Variants in CHRD observed in about 807,000 individuals in gnomAD.
CHRD encodes the protein chordin.
A neutral mutation model predicts 113.7 loss-of-function variants in CHRD; 69 were observed. The observed-to-expected ratio is 0.61, with a 90% CI of 0.50 to 0.74. The LOEUF (loss-of-function observed/expected upper bound fraction) is 0.74, where lower values mean the gene tolerates loss of function less well. CHRD is among the 30% of genes least tolerant of loss of function. The pLI, the probability that CHRD is intolerant of heterozygous loss-of-function variation, is 0.00. For synonymous variants in CHRD, 561 were observed against 540.8 expected (o/e 1.04, Z -0.52); for missense variants, 1,194 against 1,295.8 (o/e 0.92, Z 1.21).
Position 184,380,307 on chromosome 3 carries a change from C to A in CHRD, c.-12C>A, listed in dbSNP as rs1334378101. 3 of 1,262,416 alleles carry A rather than the reference C, an allele frequency of 2.4e-6. No individual in the cohort carries two copies. The highest frequency in any genetic ancestry group is 4.7e-5 in the East Asian group (1 of 21,284). The allele number at this position is 1,262,416 out of a possible 1,614,324, so 78.2% of individuals were successfully genotyped here. On this transcript the variant is annotated 5_prime_UTR_variant, in exon 1 of 23. Coordinates refer to ENST00000204604, the Ensembl canonical transcript of CHRD. The surrounding 1 kb of genome is among the most constrained non-coding windows in gnomAD (Gnocchi z 6.3). ...TCCTCCCTCCCTCCTCCCCAGCTGT[C>A]CCGTTCGCGTCATGCCGAGCCTCCC...
exon 23 of CHRD, chr3:184,389,730 C>T (rs1335293682): frequency 3.0e-6 from 1 of 336,868 alleles, no homozygotes; most frequent in East Asian, 5.2e-5. Context: ...TATCTTCACT[C>T]AGCACCAAGG....
In CHRD at chr3:184,381,853, G is replaced by A; in HGVS notation, c.611+38G>A. 2.5e-6 allele frequency: 4 copies of A among 1,609,698 alleles called. No individual in the cohort carries two copies. The highest frequency in any genetic ancestry group is 3.4e-6 in the Non-Finnish European group (4 of 1,177,492). On this transcript the variant is annotated intron_variant, in intron 5 of 22. Transcript: ENST00000204604. This position sits in a 1 kb window ranked among gnomAD's most constrained non-coding sequence, Gnocchi z 4.7. ...AAGGAGCAAGGAGGGGTCAGCTGCC[G>A]GGGCCCGGGAGGGAAACTGGGAGAG...
Position 184,381,417 on chromosome 3 carries a change from C to T in CHRD, c.382+53C>T. ...GGAGGCAGGGCCACGATACTAGGTC[C>T]CGGGCCACTTGGATGGGGCGTCGGA... On this transcript the variant is annotated intron_variant, in intron 3 of 22. Transcript: ENST00000204604. This position sits in a 1 kb window ranked among gnomAD's most constrained non-coding sequence, Gnocchi z 4.7. 3 of 1,599,526 alleles carry T rather than the reference C, an allele frequency of 1.9e-6. No homozygotes were observed. The highest frequency in any genetic ancestry group is 2.6e-6 in the Non-Finnish European group (3 of 1,173,178).
rs903914514 is a variant in CHRD at position 184,387,592 on chromosome 3, G to A, written c.2451+115G>A. 2.0e-6 allele frequency: 2 copies of A among 1,006,322 alleles called. No individual in the cohort carries two copies. The highest frequency in any genetic ancestry group is 2.9e-5 in the Admixed American group (1 of 34,552). 62.3% of individuals were successfully genotyped at this position (1,006,322 alleles called of 1,614,324 possible). A position where few individuals can be genotyped will look rare whatever the true frequency, so the allele number is the denominator to read the frequency against. On this transcript the variant is annotated intron_variant, in intron 19 of 22. Transcript: ENST00000204604. The surrounding 1 kb of genome is among the most constrained non-coding windows in gnomAD (Gnocchi z 6.1). The stretch of plus-strand genomic sequence containing the variant: ...GTGAGGAGGGCTCAAGAATCAAAAC[G>A]ATATGAGAAAAGGCCCTTGCGCTCT...
Position 184,380,575 on chromosome 3 carries a change from G to A in CHRD, c.148+109G>A, listed in dbSNP as rs1715157443. On this transcript the variant is annotated intron_variant, in intron 1 of 22. Coordinates refer to ENST00000204604, the Ensembl canonical transcript of CHRD. The surrounding 1 kb of genome is among the most constrained non-coding windows in gnomAD (Gnocchi z 6.3). ...GGTGGCTCGGCGCGGCGGGCGGCCC[G>A]GAGGGTGGGCGGGGGCAGAAGGGCG... 4 of 1,041,052 alleles carry A rather than the reference G, an allele frequency of 3.8e-6. No individual in the cohort carries two copies. The East Asian group carries it at 1.7e-4, about 43-fold the overall frequency. The allele number at this position is 1,041,052 out of a possible 1,614,324, so 64.5% of individuals were successfully genotyped here.
At position 184,386,701 on chromosome 3, in the gene CHRD, C is replaced by T. The variant is rs775155377; in HGVS notation, c.2142C>T (p.His714=). The T allele has an allele frequency of 1.2e-5, 19 of 1,612,336 alleles. No individual in the cohort carries two copies. In the African/African-American group the frequency reaches 1.3e-4, roughly 11 times the overall value. ...TCTTCGAGGGGCAGCAGCGCCCCCA[C>T]GGGGCTCGCTGGGCGCCCAACTACG... Residue 714 remains histidine, a synonymous_variant, in exon 16 of 23, where the codon CAC becomes CAT. Coordinates refer to ENST00000204604, the Ensembl canonical transcript of CHRD.
exon 10 of CHRD, chr3:184,383,054 C>G: frequency 1.9e-6 from 3 of 1,612,208 alleles, no homozygotes; most frequent in Non-Finnish European, 2.5e-6. Context: ...ACCTGACAGT[C>G]CAGGAGATGG....
chr3:184,380,534 G>A lies in CHRD; in HGVS notation c.148+68G>A. 9.3e-7 allele frequency: 1 copy of A among 1,074,660 alleles called. No homozygotes were observed. The highest frequency in any genetic ancestry group is 4.6e-5 in the East Asian group (1 of 21,778). 66.6% of individuals were successfully genotyped at this position (1,074,660 alleles called of 1,614,324 possible). ...CGGGGCGAGTCAGCGCCAGCCCGGA[G>A]GGGGCGCGGGGCGCAGGTGGCTCGG... On this transcript the variant is annotated intron_variant, in intron 1 of 22. Transcript: ENST00000204604. This position sits in a 1 kb window ranked among gnomAD's most constrained non-coding sequence, Gnocchi z 6.3.
At position 184,386,065 on chromosome 3, in the gene CHRD, A is replaced by C. The variant is rs745863714; in HGVS notation, c.1838A>C (p.Asp613Ala). The C allele has an allele frequency of 6.8e-6, 11 of 1,614,190 alleles. No individual in the cohort carries two copies. The highest frequency in any genetic ancestry group is 9.3e-6 in the Non-Finnish European group (11 of 1,180,036). ...GTGCAGGCCCAGGGTGTGGTGAAGG[A>C]CCTGGAGCCGGAACTGCTGCGGCAC... Residue 613 changes from aspartate (D) to alanine (A), a missense_variant, in exon 15 of 23, where the codon GAC becomes GCC. Asp to Ala is a moderately radical substitution (Grantham distance 126). Coordinates refer to ENST00000204604, the Ensembl canonical transcript of CHRD.
chr3:184,387,820 T>C lies in CHRD; in HGVS notation c.2452-111T>C. On this transcript the variant is annotated intron_variant, in intron 19 of 22. Coordinates refer to ENST00000204604, the Ensembl canonical transcript of CHRD. This position sits in a 1 kb window ranked among gnomAD's most constrained non-coding sequence, Gnocchi z 6.1. ...GGTCTATAAAGCCAGTCCGGGCCTC[T>C]GAGTAAAAGGCCACAGAGAGACTGC... is the stretch of plus-strand genomic sequence containing the variant. 1 of 1,006,332 alleles carries C rather than the reference T, an allele frequency of 9.9e-7. No homozygotes were observed. The highest frequency in any genetic ancestry group is 2.6e-5 in the East Asian group (1 of 38,254). 62.3% of individuals were successfully genotyped at this position (1,006,332 alleles called of 1,614,324 possible). A position where few individuals can be genotyped will look rare whatever the true frequency, so the allele number is the denominator to read the frequency against.
chr3:184,387,170 G>C lies in CHRD; in HGVS notation c.2347+63G>C, dbSNP rs573678861. 6.6e-7 allele frequency: 1 copy of C among 1,507,880 alleles called. No homozygotes were observed. The highest frequency in any genetic ancestry group is 2.3e-5 in the East Asian group (1 of 44,364). 93.4% of individuals were successfully genotyped at this position (1,507,880 alleles called of 1,614,324 possible). A position where few individuals can be genotyped will look rare whatever the true frequency, so the allele number is the denominator to read the frequency against. ...GAGGAGCCATTAGGTTGAACCAGGA[G>C]GGGGACAAGAAGGGGAGAGTATATA... On this transcript the variant is annotated intron_variant, in intron 18 of 22. Transcript: ENST00000204604. The surrounding 1 kb of genome is among the most constrained non-coding windows in gnomAD (Gnocchi z 6.1).
chr3:184,384,763 G>A lies in CHRD; in HGVS notation c.1597+70G>A, dbSNP rs756869593. On this transcript the variant is annotated intron_variant, in intron 13 of 22. Transcript: ENST00000204604. This position sits in a 1 kb window ranked among gnomAD's most constrained non-coding sequence, Gnocchi z 4.4. Reference sequence around the variant, plus strand: ...ATTTGAGGGATGGTGGCAGACAGCCGGAGCCTGGTGTGTCTTTCTTTGTGC... The same window carrying A: ...ATTTGAGGGATGGTGGCAGACAGCCAGAGCCTGGTGTGTCTTTCTTTGTGC... 1.4e-5 allele frequency: 21 copies of A among 1,484,492 alleles called. No individual in the cohort carries two copies. Among genetic ancestry groups the A allele is most frequent in the African/African-American group, 4.2e-5 (3 of 71,190 alleles). The allele number at this position is 1,484,492 out of a possible 1,614,324, so 92.0% of individuals were successfully genotyped here.
chr3:184,380,350 T>C lies in CHRD; in HGVS notation c.32T>C (p.Leu11Pro). 1 of 1,332,158 alleles carries C rather than the reference T, an allele frequency of 7.5e-7. No individual in the cohort carries two copies. The highest frequency in any genetic ancestry group is 9.7e-7 in the Non-Finnish European group (1 of 1,028,934). The allele number at this position is 1,332,158 out of a possible 1,614,324, so 82.5% of individuals were successfully genotyped here. The change falls in exon 1 of 23, where the codon CTG (leucine) becomes CCG (proline). Residue 11 changes from leucine to proline, a missense_variant. By Grantham distance (98) the Leu-to-Pro change is moderately conservative. Transcript: ENST00000204604. This position sits in a 1 kb window ranked among gnomAD's most constrained non-coding sequence, Gnocchi z 6.3. Reference sequence around the variant, plus strand: ...AGCCTCCCGGCCCCGCCGGCCCCGCTGCTGCTCCTCGGGCTGCTGCTGCTC... The same window carrying C: ...AGCCTCCCGGCCCCGCCGGCCCCGCCGCTGCTCCTCGGGCTGCTGCTGCTC...
chr3:184,381,256 A>AG lies in CHRD; in HGVS notation c.278dup (p.Gly95TrpfsTer59). The AG allele has an allele frequency of 6.2e-7, 1 of 1,613,248 alleles. No individual in the cohort carries two copies. The highest frequency in any genetic ancestry group is 8.5e-7 in the Non-Finnish European group (1 of 1,179,926). On this transcript the variant is annotated frameshift_variant, in exon 3 of 23. Coordinates refer to ENST00000204604, the Ensembl canonical transcript of CHRD. LOFTEE classifies it high-confidence loss of function. The surrounding 1 kb of genome is among the most constrained non-coding windows in gnomAD (Gnocchi z 4.7). ...GCAGCCTCAGTGGGGTCGCCGTACCAGGGGCCCTGGCAGGGTCAGCTGCAA... is the reference window on the plus strand; with the variant it reads ...GCAGCCTCAGTGGGGTCGCCGTACCAGGGGGCCCTGGCAGGGTCAGCTGCAA...
chr3:184,380,318 C>A lies in CHRD; in HGVS notation c.-1C>A. 2 of 1,305,272 alleles carry A rather than the reference C, an allele frequency of 1.5e-6. No individual in the cohort carries two copies. The highest frequency in any genetic ancestry group is 3.1e-5 in the South Asian group (2 of 64,712). 80.9% of individuals were successfully genotyped at this position (1,305,272 alleles called of 1,614,324 possible). A position where few individuals can be genotyped will look rare whatever the true frequency, so the allele number is the denominator to read the frequency against. On this transcript the variant is annotated 5_prime_UTR_variant, in exon 1 of 23. Coordinates refer to ENST00000204604, the Ensembl canonical transcript of CHRD. The surrounding 1 kb of genome is among the most constrained non-coding windows in gnomAD (Gnocchi z 6.3). ...TCCTCCCCAGCTGTCCCGTTCGCGT[C>A]ATGCCGAGCCTCCCGGCCCCGCCGG...
rs1298013736 is a variant in CHRD at position 184,381,047 on chromosome 3, TAG to T, written c.253-183_253-182del. The T allele has an allele frequency of 3.9e-6, 3 of 765,224 alleles. No individual in the cohort carries two copies. Among genetic ancestry groups the T allele is most frequent in the South Asian group, 1.5e-5 (1 of 68,298 alleles). The allele number at this position is 765,224 out of a possible 1,614,324, so 47.4% of individuals were successfully genotyped here. A position where few individuals can be genotyped will look rare whatever the true frequency, so the allele number is the denominator to read the frequency against. ...TAACTCTCATGGCAGCCTTGCTAGA[TAG>T]AGAGTATTATTATCCCCATTTTCCA... On this transcript the variant is annotated intron_variant, in intron 2 of 22. Coordinates refer to ENST00000204604, the Ensembl canonical transcript of CHRD. This position sits in a 1 kb window ranked among gnomAD's most constrained non-coding sequence, Gnocchi z 4.7.
At chr3:184,383,967 G>T (rs1416152590) in intron 12 of CHRD, among the ~76,000 whole-genome samples, 1 of 152,012 alleles carries the variant, frequency 6.6e-6, no homozygotes, top group East Asian at 1.9e-4. Flanking sequence ...AGTAGAGACG[G>T]GGTTTCACCG....
chr3:184,387,298 C>T lies in CHRD; in HGVS notation c.2348-76C>T. The T allele has an allele frequency of 1.3e-6, 2 of 1,507,252 alleles. No homozygotes were observed. Among genetic ancestry groups the T allele is most frequent in the Non-Finnish European group, 1.8e-6 (2 of 1,110,546 alleles). The allele number at this position is 1,507,252 out of a possible 1,614,324, so 93.4% of individuals were successfully genotyped here. A position where few individuals can be genotyped will look rare whatever the true frequency, so the allele number is the denominator to read the frequency against. On this transcript the variant is annotated intron_variant, in intron 18 of 22. Transcript: ENST00000204604. This position sits in a 1 kb window ranked among gnomAD's most constrained non-coding sequence, Gnocchi z 6.1. ...TTGGCTTAGGCTCGTGTGGGGGTGG[C>T]CTGAGGCTCAAGCCTTGGTTGTGGG...
Position 184,381,666 on chromosome 3 carries a change from C to T in CHRD, c.511+42C>T, listed in dbSNP as rs1244187998. 3 of 1,604,466 alleles carry T rather than the reference C, an allele frequency of 1.9e-6. No homozygotes were observed. In the African/African-American group the frequency reaches 4.0e-5, roughly 21 times the overall value. On this transcript the variant is annotated intron_variant, in intron 4 of 22. Transcript: ENST00000204604. The surrounding 1 kb of genome is among the most constrained non-coding windows in gnomAD (Gnocchi z 4.7). Reference sequence around the variant, plus strand: ...CAGCGGGGTTGTGGTTGAGGCTGGGCCACCAAAGCGGCGTTTGACAGTGCT... The same window carrying T: ...CAGCGGGGTTGTGGTTGAGGCTGGGTCACCAAAGCGGCGTTTGACAGTGCT...
Sources: gnomAD v4.1 joint callset for allele counts (sites outside exome capture counted in the v4.1 genomes callset) on GRCh38, gnomAD v4.1.1 for gene constraint, Gnocchi (gnomAD v3.1) non-coding constraint, MANE v1.5 for transcripts, NCBI Gene and HGNC (gene_info 2026-07-23, HGNC 2026-07-21) for gene names.